The following SLC15A5 variants were observed in gnomAD, a reference collection of about 807,000 sequenced individuals.
SLC15A5 encodes the protein solute carrier family 15 member 5, also known as Peptide/histidine transporter ENSP00000340402.
A neutral mutation model predicts 56.1 loss-of-function variants in SLC15A5; 58 were observed. The observed-to-expected ratio is 1.03, with a 90% confidence interval of 0.84 to 1.29. The LOEUF is 1.29. Among genes scored for constraint, SLC15A5 ranks in the 50% most tolerant of loss-of-function variants. The pLI, the probability that SLC15A5 is intolerant of heterozygous loss-of-function variation, is 0.00. For missense variants in SLC15A5, 681 were observed against 672.1 expected (o/e 1.01, Z -0.15); for synonymous variants, 264 against 250.5 (o/e 1.05, Z -0.51).
intron 8 of SLC15A5, among the ~76,000 whole-genome samples, chr12:16,193,797 G>C (rs1382488605): frequency 3.0e-5 from 1 of 33,374 alleles, no homozygotes; most frequent in African/African-American, 1.2e-4. Context: ...GAGAGAGAGA[G>C]AGAGAGAGAG....
At chr12:16,233,665 A>C (rs992620489) in intron 5 of SLC15A5, among the ~76,000 whole-genome samples, 2 of 152,132 alleles carry the variant, frequency 1.3e-5, no homozygotes, top group African/African-American at 4.8e-5. Context: ...ACTGCTGCCT[A>C]TACACATGCA....
chr12:16,202,703 T>C (rs777956090), intron 7 of SLC15A5, among the ~76,000 whole-genome samples: 3 of 152,120 alleles, frequency 2.0e-5, no homozygotes, highest in Non-Finnish European at 4.4e-5. Context: ...AGCTAAGATA[T>C]GAACACAACT....
Position 16,237,436 on chromosome 12 carries a change from G to A in SLC15A5, c.1162+2245C>T, listed in dbSNP as rs1864362876. 6.6e-6 allele frequency among the ~76,000 whole-genome samples: 1 copy of A among 152,160 alleles called. No individual in the cohort carries two copies. The highest frequency in any genetic ancestry group is 2.1e-4 in the South Asian group (1 of 4,834). On this transcript the variant is annotated intron_variant, in intron 5 of 8. Coordinates refer to ENST00000344941, the MANE Select transcript of SLC15A5 (RefSeq NM_001170798.1). The surrounding 1 kb of genome is among the most constrained non-coding windows in gnomAD (Gnocchi z 4.1). ...GGAACGTAGCTTAGTTTCTTTTGAA[G>A]TGAGTCTAGTTTTTCCTTTTTCCTG...
intron 7 of SLC15A5, among the ~76,000 whole-genome samples, chr12:16,210,271 T>G (rs1430058074): frequency 6.6e-6 from 1 of 152,184 alleles, no homozygotes; most frequent in Non-Finnish European, 1.5e-5. Context: ...CTACCTCGAC[T>G]TATAAATTTG....
At chr12:16,202,987 G>C (rs1406641174) in intron 7 of SLC15A5, among the ~76,000 whole-genome samples, 1 of 152,104 alleles carries the variant, frequency 6.6e-6, no homozygotes, top group Admixed American at 6.6e-5. Context: ...GGTGGGGGAA[G>C]GGGAAATATT....
At chr12:16,197,616 C>A (rs1299777023) in intron 7 of SLC15A5, among the ~76,000 whole-genome samples, 1 of 152,060 alleles carries the variant, frequency 6.6e-6, no homozygotes, top group Non-Finnish European at 1.5e-5. Context: ...AAGGGCCGGA[C>A]ACAGAGGAGG....
chr12:16,224,641 A>G, intron 5 of SLC15A5, 39 bp from the exon 6 acceptor site: 2 of 1,502,906 alleles, frequency 1.3e-6, no homozygotes, highest in Non-Finnish European at 1.8e-6. Context: ...AAGTTAAACG[A>G]AGAGCTAGAG....
At chr12:16,202,024 C>T (rs1863963127) in intron 7 of SLC15A5, among the ~76,000 whole-genome samples, 1 of 152,126 alleles carries the variant, frequency 6.6e-6, no homozygotes, top group Non-Finnish European at 1.5e-5. Flanking sequence ...AGGGGAAAAG[C>T]TTCCTGACAT....
At chr12:16,263,262 A>AGGTGACTC (rs1864660341) in intron 2 of SLC15A5, among the ~76,000 whole-genome samples, 1 of 152,162 alleles carries the variant, frequency 6.6e-6, no homozygotes, top group Non-Finnish European at 1.5e-5. Flanking sequence ...ACTGGAACAA[A>AGGTGACTC]GGTGACTCTT....
chr12:16,224,297 G>A lies in SLC15A5; in HGVS notation c.1351+117C>T, dbSNP rs907851905. 6 of 883,188 alleles carry A rather than the reference G, an allele frequency of 6.8e-6. 1 individual carries two copies. Among genetic ancestry groups the A allele is most frequent in the Middle Eastern group, 5.0e-4 (2 of 4,000 alleles). 54.7% of individuals were successfully genotyped at this position (883,188 alleles called of 1,614,324 possible). ...TAAATAAATTTGCTGGAAGTATTGT[G>A]GGAACTCTCTAGGAGGTGAATAGAT... On this transcript the variant is annotated intron_variant, in intron 6 of 8. Coordinates refer to ENST00000344941, the MANE Select transcript of SLC15A5 (RefSeq NM_001170798.1).
intron 7 of SLC15A5, among the ~76,000 whole-genome samples, chr12:16,214,491 G>T (rs185427246): frequency 2.6e-4 from 40 of 152,298 alleles, no homozygotes; most frequent in Non-Finnish European, 1.0e-4. Context: ...TTGGAGCTTT[G>T]AGCCACATAT....
chr12:16,200,211 TAATG>T (rs1160459756), intron 7 of SLC15A5, among the ~76,000 whole-genome samples: 1 of 150,610 alleles, frequency 6.6e-6, no homozygotes, highest in Admixed American at 6.6e-5. Context: ...AATAATATAA[TAATG>T]AATGAGAAAC....
chr12:16,192,112 T>G lies in SLC15A5; in HGVS notation c.1592+2233A>C, dbSNP rs183852659. Among the ~76,000 whole-genome samples, 425 of 152,198 alleles carry G rather than the reference T, an allele frequency of 2.8e-3. 2 individuals are homozygous for G. Among genetic ancestry groups the G allele is most frequent in the African/African-American group, 9.2e-3 (383 of 41,542 alleles). ...AGTTTATTTAACTAGCTTTGCACTT[T>G]AGTTTTTTGATTTATAATGTAGAAT... On this transcript the variant is annotated intron_variant, in intron 8 of 8. Coordinates refer to ENST00000344941, the MANE Select transcript of SLC15A5 (RefSeq NM_001170798.1).
At chr12:16,268,434 A>AT (rs751055572) in intron 2 of SLC15A5, among the ~76,000 whole-genome samples, 3 of 152,098 alleles carry the variant, frequency 2.0e-5, no homozygotes, top group Non-Finnish European at 4.4e-5. Flanking sequence ...AGGTCTGGTG[A>AT]TTTTTTCATA....
chr12:16,217,113 A>G (rs1864137856), intron 6 of SLC15A5, 89 bp from the exon 7 acceptor site: 3 of 1,343,944 alleles, frequency 2.2e-6, no homozygotes, highest in Non-Finnish European at 9.7e-7. Flanking sequence ...TCATGTATCA[A>G]AGAAAATTTA....
At chr12:16,208,825 T>C (rs763745462) in intron 7 of SLC15A5, among the ~76,000 whole-genome samples, 2 of 152,202 alleles carry the variant, frequency 1.3e-5, no homozygotes, top group Non-Finnish European at 2.9e-5. Context: ...AGGAGGTATG[T>C]CCTCAATATT....
intron 6 of SLC15A5, 59 bp from the exon 7 acceptor site, chr12:16,217,083 A>T (rs1266875292): frequency 6.8e-7 from 1 of 1,465,940 alleles, no homozygotes; most frequent in Admixed American, 2.7e-5. Flanking sequence ...TTTCATAGAG[A>T]CTGTTCAAAT....
At chr12:16,211,441 G>T (rs1864079640) in intron 7 of SLC15A5, among the ~76,000 whole-genome samples, 1 of 152,130 alleles carries the variant, frequency 6.6e-6, no homozygotes, top group African/African-American at 2.4e-5. Context: ...TTGAGGAGAA[G>T]GAACTTGTAG....
At chr12:16,263,515 A>G (rs539950752) in intron 2 of SLC15A5, among the ~76,000 whole-genome samples, 1 of 152,184 alleles carries the variant, frequency 6.6e-6, no homozygotes, top group Non-Finnish European at 1.5e-5. Context: ...CTTAGGAGAA[A>G]TTCAAGCCCG....
Sources: gnomAD v4.1 joint callset for allele counts (sites outside exome capture counted in the v4.1 genomes callset) on GRCh38, gnomAD v4.1.1 for gene constraint, Gnocchi (gnomAD v3.1) non-coding constraint, MANE v1.5 for transcripts, NCBI Gene and HGNC (gene_info 2026-07-23, HGNC 2026-07-21) for gene names.